The following SYT1 variants were observed in gnomAD, a reference collection of about 807,000 sequenced individuals.
SYT1 encodes synaptotagmin-1.
SYT1 carries 8 observed loss-of-function variants against 44.8 expected under a neutral mutation model. The observed-to-expected ratio is 0.18, with a 90% CI of 0.10 to 0.32. The LOEUF (loss-of-function observed/expected upper bound fraction) is 0.32. Among genes scored for constraint, SYT1 ranks in the 10% least tolerant of loss-of-function variants. The pLI, the probability that SYT1 is intolerant of heterozygous loss-of-function variation, is 1.00. For missense variants in SYT1, 286 were observed against 509.3 expected (o/e 0.56, Z 4.22); for synonymous variants, 154 against 188.8 (o/e 0.82, Z 1.51).
chr12:79,395,045 T>A (rs1253043470), intron 9 of SYT1, among the ~76,000 whole-genome samples: 4 of 152,112 alleles, frequency 2.6e-5, no homozygotes, highest in African/African-American at 9.7e-5. Context: ...AAGAACTTGA[T>A]ACATAATAAG....
At chr12:78,887,477 G>A (rs1419988044) in intron 1 of SYT1, among the ~76,000 whole-genome samples, 1 of 151,920 alleles carries the variant, frequency 6.6e-6, no homozygotes, top group Non-Finnish European at 1.5e-5. Flanking sequence ...ATCATATGCT[G>A]AGATCATTAA....
intron 9 of SYT1, among the ~76,000 whole-genome samples, chr12:79,395,418 C>T (rs1009489125): frequency 1.3e-5 from 2 of 152,108 alleles, no homozygotes. Context: ...GAGGTTTCAC[C>T]ATGTTGACCA....
chr12:78,911,103 T>G (rs1210230719), intron 1 of SYT1, among the ~76,000 whole-genome samples: 1 of 151,998 alleles, frequency 6.6e-6, no homozygotes, highest in African/African-American at 2.4e-5. Context: ...TCATCCAAGC[T>G]TCAGTGTTGT....
At chr12:79,434,973 G>C (rs1870003420) in intron 9 of SYT1, among the ~76,000 whole-genome samples, 1 of 152,024 alleles carries the variant, frequency 6.6e-6, no homozygotes, top group South Asian at 2.1e-4. Context: ...ATGATTTAAA[G>C]ATAGACACAT....
chr12:79,060,738 C>T (rs1015299512), intron 3 of SYT1, among the ~76,000 whole-genome samples: 5 of 151,870 alleles, frequency 3.3e-5, no homozygotes, highest in African/African-American at 4.8e-5. Context: ...ATGGAGTTGT[C>T]CAAAATGAAA....
chr12:79,285,558 G>A (rs1879267274), intron 4 of SYT1, among the ~76,000 whole-genome samples: 1 of 152,144 alleles, frequency 6.6e-6, no homozygotes, highest in Admixed American at 6.5e-5. Flanking sequence ...AAAGTAATAG[G>A]GAGGAGATGA....
At chr12:79,189,369 A>G (rs1457347760) in intron 3 of SYT1, among the ~76,000 whole-genome samples, 1 of 152,164 alleles carries the variant, frequency 6.6e-6, no homozygotes, top group African/African-American at 2.4e-5. Flanking sequence ...ATGTTGGCCT[A>G]GTTGACTTTC....
intron 3 of SYT1, among the ~76,000 whole-genome samples, chr12:79,110,373 A>G (rs1251108701): frequency 6.6e-6 from 1 of 152,190 alleles, no homozygotes; most frequent in African/African-American, 2.4e-5. Flanking sequence ...GCTATGGAGC[A>G]ATTTATGAAT....
chr12:79,017,539 G>C (rs945357828), intron 2 of SYT1, among the ~76,000 whole-genome samples: 4 of 152,090 alleles, frequency 2.6e-5, no homozygotes, highest in Non-Finnish European at 5.9e-5. Context: ...AGATGAGGAG[G>C]GGGTTGTGAG....
intron 4 of SYT1, among the ~76,000 whole-genome samples, chr12:79,235,147 AT>A (rs1197489591): frequency 1.3e-5 from 2 of 152,176 alleles, no homozygotes; most frequent in Non-Finnish European, 2.9e-5. Flanking sequence ...ACAGAAGTAT[AT>A]TTGTCTTACT....
chr12:79,340,510 TA>T (rs1882318322), intron 8 of SYT1, among the ~76,000 whole-genome samples: 2 of 149,482 alleles, frequency 1.3e-5, no homozygotes, highest in Non-Finnish European at 2.9e-5. Flanking sequence ...TGATTTTGCA[TA>T]TTGATTTTGT....
At chr12:79,208,274 A>C (rs1874242862) in intron 3 of SYT1, among the ~76,000 whole-genome samples, 1 of 152,098 alleles carries the variant, frequency 6.6e-6, no homozygotes, top group Non-Finnish European at 1.5e-5. Context: ...CCATAATGGG[A>C]GGAAGGGTCA....
At chr12:78,923,208 T>C (rs1377827706) in intron 1 of SYT1, among the ~76,000 whole-genome samples, 1 of 152,028 alleles carries the variant, frequency 6.6e-6, no homozygotes, top group Non-Finnish European at 1.5e-5. Flanking sequence ...GAGCACTTGG[T>C]ATGTGGCTAG....
At chr12:79,082,766 C>A (rs958496035) in intron 3 of SYT1, among the ~76,000 whole-genome samples, 5 of 152,012 alleles carry the variant, frequency 3.3e-5, no homozygotes, top group Non-Finnish European at 7.4e-5. Flanking sequence ...AAGGAAGAGG[C>A]AGGGACCAGT....
At chr12:78,942,925 G>A (rs1878457822) in intron 1 of SYT1, among the ~76,000 whole-genome samples, 1 of 152,116 alleles carries the variant, frequency 6.6e-6, no homozygotes, top group Admixed American at 6.6e-5. Flanking sequence ...AAGATAACTG[G>A]TTACAGTGCT....
intron 1 of SYT1, among the ~76,000 whole-genome samples, chr12:78,938,184 C>G (rs1474142231): frequency 1.3e-5 from 2 of 152,158 alleles, no homozygotes; most frequent in African/African-American, 4.8e-5. Context: ...CTCTCCCTTT[C>G]CACCCTTTTC....
chr12:78,922,795 G>A (rs1845627533), intron 1 of SYT1, among the ~76,000 whole-genome samples: 1 of 151,944 alleles, frequency 6.6e-6, no homozygotes, highest in South Asian at 2.1e-4. Flanking sequence ...ATAAAGGAGT[G>A]TTCTTTTCAG....
At chr12:79,258,981 T>C (rs1877685935) in intron 4 of SYT1, among the ~76,000 whole-genome samples, 1 of 152,196 alleles carries the variant, frequency 6.6e-6, no homozygotes, top group Admixed American at 6.5e-5. Context: ...TAGAAAGAGT[T>C]AACTTGCTAA....
intron 9 of SYT1, among the ~76,000 whole-genome samples, chr12:79,439,865 C>T (rs1003725775): frequency 6.6e-6 from 1 of 150,936 alleles, no homozygotes; most frequent in African/African-American, 2.4e-5. Context: ...GTCTCTCTGA[C>T]ATATCACAAA....
Sources: gnomAD v4.1 joint callset for allele counts (sites outside exome capture counted in the v4.1 genomes callset) on GRCh38, gnomAD v4.1.1 for gene constraint, MANE v1.5 for transcripts, NCBI Gene and HGNC (gene_info 2026-07-23, HGNC 2026-07-21) for gene names.